Variants in ROBO2 observed in about 807,000 individuals in gnomAD.
ROBO2 encodes roundabout homolog 2.
Under a neutral mutation model 160.8 loss-of-function variants are expected in ROBO2, and 53 were observed. The observed-to-expected ratio is 0.33, with a 90% CI of 0.26 to 0.41. The LOEUF is 0.41. Among genes scored for constraint, ROBO2 ranks in the 10% least tolerant of loss-of-function variants. The probability of loss-of-function intolerance (pLI) is 1.00; values close to 1 mark genes in which losing one functional copy is unlikely to be tolerated. For synonymous variants in ROBO2, 664 were observed against 611.7 expected, an observed-to-expected ratio of 1.09 and a Z score of -1.26; for missense variants, 1,577 against 1,722.4, an observed-to-expected ratio of 0.92 and a Z score of 1.49.
intron 2 of ROBO2, among the ~76,000 whole-genome samples, chr3:76,815,228 G>A (rs928848986): frequency 1.3e-5 from 2 of 151,894 alleles, no homozygotes; most frequent in Non-Finnish European, 2.9e-5. Context: ...TGTGTTAACA[G>A]TCAACAAAGA....
chr3:76,625,469 A>G (rs980898792), intron 2 of ROBO2, among the ~76,000 whole-genome samples: 2 of 152,188 alleles, frequency 1.3e-5, no homozygotes, highest in African/African-American at 4.8e-5. Context: ...GGCCAAAAAA[A>G]TAAGCAAATA....
intron 25 of ROBO2, among the ~76,000 whole-genome samples, chr3:77,645,795 CT>C (rs1008299582): frequency 1.3e-5 from 2 of 151,876 alleles, no homozygotes; most frequent in Non-Finnish European, 2.9e-5. Flanking sequence ...TTTTCTTTAA[CT>C]TTTTTTTGAA....
At chr3:75,939,827 C>A (rs1285343432) in intron 2 of ROBO2, among the ~76,000 whole-genome samples, 1 of 151,974 alleles carries the variant, frequency 6.6e-6, no homozygotes, top group African/African-American at 2.4e-5. Flanking sequence ...GTTTTTATTA[C>A]TAAATATCTT....
Position 77,275,884 on chromosome 3 carries a change from A to G in ROBO2, c.388+177544A>G, listed in dbSNP as rs535987017. On this transcript the variant is annotated intron_variant, in intron 2 of 25. Coordinates refer to ENST00000461745, the Ensembl canonical transcript of ROBO2. Reference sequence around the variant, plus strand: ...TGTATTGCAAGGGTGATTAAAATCAACTTAGCTCCTTGGAATCTTTACCTT... The same window carrying G: ...TGTATTGCAAGGGTGATTAAAATCAGCTTAGCTCCTTGGAATCTTTACCTT... 2.0e-5 allele frequency among the ~76,000 whole-genome samples: 3 copies of G among 152,314 alleles called. No homozygotes were observed. In the East Asian group the frequency reaches 5.8e-4, roughly 29 times the overall value.
chr3:77,030,641 A>C (rs1477104270), intron 2 of ROBO2, among the ~76,000 whole-genome samples: 1 of 152,152 alleles, frequency 6.6e-6, no homozygotes, highest in Non-Finnish European at 1.5e-5. Context: ...TCTAGAGAAA[A>C]ATTGGTTCTC....
At chr3:77,050,395 G>C (rs2065098898) in intron 1 of ROBO2, among the ~76,000 whole-genome samples, 1 of 151,998 alleles carries the variant, frequency 6.6e-6, no homozygotes, top group South Asian at 2.1e-4. Flanking sequence ...AATTGTTTTA[G>C]TGCTTCTTAC....
At chr3:76,315,415 A>G (rs1237877987) in intron 2 of ROBO2, among the ~76,000 whole-genome samples, 1 of 152,186 alleles carries the variant, frequency 6.6e-6, no homozygotes, top group Admixed American at 6.5e-5. Flanking sequence ...CTCCCTCTTT[A>G]GGAAGGATTA....
intron 2 of ROBO2, among the ~76,000 whole-genome samples, chr3:76,965,944 CG>C (rs1266644609): frequency 8.9e-6 from 1 of 112,480 alleles, no homozygotes; most frequent in East Asian, 2.7e-4. Context: ...TTTTTTGAGA[CG>C]GAGTTTCACT....
chr3:76,256,693 A>G (rs1472195917), intron 2 of ROBO2, among the ~76,000 whole-genome samples: 3 of 152,078 alleles, frequency 2.0e-5, no homozygotes. Context: ...GTTGGGTGAC[A>G]TAGTAAAGTT....
chr3:76,578,339 T>A (rs1209617058), intron 2 of ROBO2, among the ~76,000 whole-genome samples: 1 of 152,202 alleles, frequency 6.6e-6, no homozygotes, highest in Middle Eastern at 3.4e-3. Flanking sequence ...CACATTACTC[T>A]CCTGTCTTGG....
At chr3:76,340,562 A>G (rs990015159) in intron 2 of ROBO2, among the ~76,000 whole-genome samples, 1 of 152,192 alleles carries the variant, frequency 6.6e-6, no homozygotes, top group Admixed American at 6.5e-5. Flanking sequence ...CTAATGGTGT[A>G]TCTCAACATT....
intron 2 of ROBO2, among the ~76,000 whole-genome samples, chr3:76,909,832 C>G (rs774269778): frequency 2.6e-5 from 4 of 152,152 alleles, no homozygotes; most frequent in Non-Finnish European, 4.4e-5. Flanking sequence ...GGGGAAAAGT[C>G]TATTTTTACA....
intron 2 of ROBO2, among the ~76,000 whole-genome samples, chr3:76,569,115 CCCAT>C (rs1560166547): frequency 6.6e-6 from 1 of 152,050 alleles, no homozygotes. Context: ...ATGATAGACA[CCCAT>C]CTATATTTTC....
At chr3:77,595,344 G>C (rs1444062586) in intron 18 of ROBO2, among the ~76,000 whole-genome samples, 160 bp downstream of exon 19, 1 of 152,108 alleles carries the variant, frequency 6.6e-6, no homozygotes, top group Non-Finnish European at 1.5e-5. Context: ...TCTATCTGTT[G>C]TGCACTTTAG....
intron 2 of ROBO2, among the ~76,000 whole-genome samples, chr3:76,648,579 G>C (rs1165151679): frequency 6.6e-6 from 1 of 151,802 alleles, no homozygotes; most frequent in Non-Finnish European, 1.5e-5. Context: ...TGATTATATA[G>C]GAAAATGCTG....
At chr3:77,000,882 C>T (rs967042729) in intron 2 of ROBO2, among the ~76,000 whole-genome samples, 13 of 152,134 alleles carry the variant, frequency 8.5e-5, no homozygotes, top group African/African-American at 3.1e-4. Context: ...TTGTTACACA[C>T]ATTTATAAAA....
At chr3:77,615,107 C>A (rs2094740617) in intron 21 of ROBO2, among the ~76,000 whole-genome samples, 2 of 152,148 alleles carry the variant, frequency 1.3e-5, no homozygotes, top group African/African-American at 4.8e-5. Flanking sequence ...GCTTTCCCCA[C>A]TGAATTGTAT....
At chr3:77,376,158 T>C (rs930084234) in intron 2 of ROBO2, among the ~76,000 whole-genome samples, 3 of 145,024 alleles carry the variant, frequency 2.1e-5, no homozygotes, top group African/African-American at 7.7e-5. Context: ...AACTTTCTTT[T>C]TTTTTTTTTT....
intron 2 of ROBO2, among the ~76,000 whole-genome samples, chr3:77,277,755 A>G (rs1305059602): frequency 6.6e-5 from 10 of 152,170 alleles, no homozygotes. Flanking sequence ...TAGTGCTGCA[A>G]TGAGCATACA....
Sources: gnomAD v4.1 joint callset for allele counts (sites outside exome capture counted in the v4.1 genomes callset) on GRCh38, gnomAD v4.1.1 for gene constraint, MANE v1.5 for transcripts, NCBI Gene and HGNC (gene_info 2026-07-23, HGNC 2026-07-21) for gene names.